The following OBI1 variants were observed in gnomAD, a reference collection of about 807,000 sequenced individuals.
OBI1 encodes ring finger protein 219.
A neutral mutation model predicts 62.4 loss-of-function variants in OBI1; 59 were observed. That is an observed-to-expected ratio of 0.95 (90% CI 0.77 to 1.17). The LOEUF is 1.17. OBI1 is among the 50% of genes most tolerant of loss of function. The probability of loss-of-function intolerance (pLI) is 0.00; values close to 1 mark genes in which losing one functional copy is unlikely to be tolerated. For synonymous variants in OBI1, 302 were observed against 292.8 expected (o/e 1.03, Z -0.32); for missense variants, 875 against 830.9 (o/e 1.05, Z -0.65).
chr13:78,658,637 G>A (rs1220784275), intron 1 of OBI1, among the ~76,000 whole-genome samples: 1 of 152,234 alleles, frequency 6.6e-6, no homozygotes, highest in African/African-American at 2.4e-5. Context: ...AGAGGACTAA[G>A]AAGCCCGAGG....
At chr13:78,627,639 C>T (rs568430099) in intron 5 of OBI1, among the ~76,000 whole-genome samples, 7 of 152,324 alleles carry the variant, frequency 4.6e-5, no homozygotes, top group Non-Finnish European at 7.3e-5. Flanking sequence ...GCATTCCATG[C>T]TGTATATGTA....
At chr13:78,634,621 C>G (rs1195955416) in intron 5 of OBI1, among the ~76,000 whole-genome samples, 1 of 152,124 alleles carries the variant, frequency 6.6e-6, no homozygotes, top group South Asian at 2.1e-4. Context: ...CTAACACTTC[C>G]ACTTGTGAAG....
rs1396372076 is a variant in OBI1 at position 78,644,934 on chromosome 13, AC to A, written c.135del (p.Trp45CysfsTer2). On this transcript the variant is annotated frameshift_variant, in exon 2 of 6. Coordinates refer to ENST00000282003, the MANE Select transcript of OBI1 (RefSeq NM_024546.4). LOFTEE classifies it high-confidence loss of function. Reference protein sequence around the residue: ...HVFCSICIDLWLKNNSQCPAC... With the variant: ...HVFCSICIDLXLKNNSQCPAC... The stretch of plus-strand genomic sequence containing the variant: ...GCTGGACACTGGCTATTATTCTTCA[AC>A]CACAAATCAATACAAATCGAACAAA... 1 of 1,613,802 alleles carries A rather than the reference AC, an allele frequency of 6.2e-7. No homozygotes were observed. The highest frequency in any genetic ancestry group is 1.3e-5 in the African/African-American group (1 of 74,910).
In OBI1 at chr13:78,615,466, G is replaced by C; in HGVS notation, c.*114C>G. The C allele has an allele frequency of 1.4e-6, 1 of 721,888 alleles. No individual in the cohort carries two copies. Among genetic ancestry groups the C allele is most frequent in the Non-Finnish European group, 2.3e-6 (1 of 436,354 alleles). The allele number at this position is 721,888 out of a possible 1,614,324, so 44.7% of individuals were successfully genotyped here. Reference sequence around the variant, plus strand: ...AATCCACCATCCTGACTTGATACTTGACTAAAGATTATCAATTCCAATTTG... The same window carrying C: ...AATCCACCATCCTGACTTGATACTTCACTAAAGATTATCAATTCCAATTTG... On this transcript the variant is annotated 3_prime_UTR_variant, in exon 6 of 6. Coordinates refer to ENST00000282003, the MANE Select transcript of OBI1 (RefSeq NM_024546.4).
intron 5 of OBI1, among the ~76,000 whole-genome samples, chr13:78,620,848 C>T (rs1299221235): frequency 2.0e-5 from 3 of 152,166 alleles, no homozygotes; most frequent in African/African-American, 7.2e-5. Context: ...TAAAAGAATA[C>T]CACACCTGAG....
At chr13:78,647,221 G>A (rs904369261) in intron 1 of OBI1, among the ~76,000 whole-genome samples, 2 of 152,218 alleles carry the variant, frequency 1.3e-5, no homozygotes, top group South Asian at 2.1e-4. Flanking sequence ...ACCCGTGAAC[G>A]GTCTGTGCTG....
At position 78,615,454 on chromosome 13, in the gene OBI1, G is replaced by T; in HGVS notation, c.*126C>A. 1 of 660,078 alleles carries T rather than the reference G, an allele frequency of 1.5e-6. No individual in the cohort carries two copies. Among genetic ancestry groups the T allele is most frequent in the Non-Finnish European group, 2.6e-6 (1 of 387,542 alleles). The allele number at this position is 660,078 out of a possible 1,614,324, so 40.9% of individuals were successfully genotyped here. A position where few individuals can be genotyped will look rare whatever the true frequency, so the allele number is the denominator to read the frequency against. Reference sequence around the variant, plus strand: ...TGGGTACAGGTTAATCCACCATCCTGACTTGATACTTGACTAAAGATTATC... The same window carrying T: ...TGGGTACAGGTTAATCCACCATCCTTACTTGATACTTGACTAAAGATTATC... On this transcript the variant is annotated 3_prime_UTR_variant, in exon 6 of 6. Coordinates refer to ENST00000282003, the MANE Select transcript of OBI1 (RefSeq NM_024546.4).
intron 5 of OBI1, among the ~76,000 whole-genome samples, chr13:78,617,707 A>G (rs1875360492): frequency 6.6e-6 from 1 of 152,200 alleles, no homozygotes; most frequent in African/African-American, 2.4e-5. Flanking sequence ...GTGGCTTTTC[A>G]GAGCACTGGC....
chr13:78,653,657 C>G (rs1237087634), intron 1 of OBI1, among the ~76,000 whole-genome samples: 1 of 152,168 alleles, frequency 6.6e-6, no homozygotes, highest in Non-Finnish European at 1.5e-5. Flanking sequence ...ATCCTGGACA[C>G]TGATGGAGGT....
intron 4 of OBI1, among the ~76,000 whole-genome samples, chr13:78,637,769 T>C (rs940652432): frequency 7.2e-5 from 11 of 152,202 alleles, no homozygotes; most frequent in African/African-American, 2.4e-4. Flanking sequence ...ATTATGTCTG[T>C]AGTTTCTTTT....
chr13:78,633,605 T>G (rs1875922364), intron 5 of OBI1, among the ~76,000 whole-genome samples: 2 of 152,162 alleles, frequency 1.3e-5, no homozygotes, highest in South Asian at 4.1e-4. Flanking sequence ...GGCCATATTG[T>G]CTTCTCATTT....
intron 1 of OBI1, among the ~76,000 whole-genome samples, chr13:78,653,709 C>T (rs1174063338): frequency 6.6e-6 from 1 of 152,166 alleles, no homozygotes; most frequent in Non-Finnish European, 1.5e-5. Context: ...ACCAACTGGT[C>T]TTGCAATTAT....
intron 5 of OBI1, among the ~76,000 whole-genome samples, chr13:78,621,029 A>G (rs966645390): frequency 6.6e-6 from 1 of 152,290 alleles, no homozygotes; most frequent in South Asian, 2.1e-4. Context: ...CAAGGGGGAC[A>G]TTGGGGAAGT....
At chr13:78,652,897 G>C (rs1356824577) in intron 1 of OBI1, among the ~76,000 whole-genome samples, 4 of 152,180 alleles carry the variant, frequency 2.6e-5, no homozygotes, top group Non-Finnish European at 5.9e-5. Context: ...CCTGCCCTAG[G>C]GTATATCCCC....
intron 4 of OBI1, among the ~76,000 whole-genome samples, chr13:78,636,466 T>G (rs1410295300): frequency 6.6e-6 from 1 of 152,228 alleles, no homozygotes; most frequent in Non-Finnish European, 1.5e-5. Flanking sequence ...TTTCAAAAAT[T>G]TGGCTATTAC....
intron 3 of OBI1, among the ~76,000 whole-genome samples, chr13:78,640,913 T>G (rs530158863): frequency 6.6e-6 from 1 of 152,216 alleles, no homozygotes; most frequent in African/African-American, 2.4e-5. Flanking sequence ...CAGAATAATA[T>G]CTGTAGTTAA....
chr13:78,624,275 G>A (rs1025455719), intron 5 of OBI1, among the ~76,000 whole-genome samples: 2 of 152,144 alleles, frequency 1.3e-5, no homozygotes, highest in Non-Finnish European at 2.9e-5. Flanking sequence ...AAAAATGCCA[G>A]AATTTCACCC....
intron 5 of OBI1, among the ~76,000 whole-genome samples, chr13:78,628,097 A>C (rs1875733704): frequency 6.6e-6 from 1 of 152,218 alleles, no homozygotes; most frequent in Non-Finnish European, 1.5e-5. Flanking sequence ...ATGGCTGTGA[A>C]GACAATACTA....
Position 78,615,683 on chromosome 13 carries a change from G to T in OBI1, c.2078C>A (p.Ser693Tyr). The change falls in exon 6 of 6, where the codon TCC becomes TAC. Residue 693 changes from serine (S) to tyrosine (Y), a missense_variant. Ser to Tyr is a moderately radical substitution (Grantham distance 144). Transcript: ENST00000282003. Reference sequence around the variant, plus strand: ...TTTATTCCTCTTTTCAGGCACAAAGGAAGTAGACCAAGGAGACTGAAGGTG... The same window carrying T: ...TTTATTCCTCTTTTCAGGCACAAAGTAAGTAGACCAAGGAGACTGAAGGTG... ...HNHLQSPWST[S>Y]FVPEKRNKNV... 1 of 1,614,032 alleles carries T rather than the reference G, an allele frequency of 6.2e-7. No individual in the cohort carries two copies. The highest frequency in any genetic ancestry group is 2.2e-5 in the East Asian group (1 of 44,876).
Sources: gnomAD v4.1 joint callset for allele counts (sites outside exome capture counted in the v4.1 genomes callset) on GRCh38, gnomAD v4.1.1 for gene constraint, MANE v1.5 for transcripts, NCBI Gene and HGNC (gene_info 2026-07-23, HGNC 2026-07-21) for gene names.